Variants in CMTM7 observed in about 807,000 individuals in gnomAD.
CMTM7 encodes CKLF like MARVEL transmembrane domain containing 7.
Under a neutral mutation model 19.3 loss-of-function variants are expected in CMTM7, and 7 were observed. The observed-to-expected ratio is 0.36, with a 90% CI of 0.21 to 0.68. CMTM7 has a LOEUF of 0.68. Among genes scored for constraint, CMTM7 ranks in the 30% least tolerant of loss-of-function variants. The pLI is 0.60. For missense variants in CMTM7, 193 were observed against 232.6 expected, an observed-to-expected ratio of 0.83 and a Z score of 1.11; for synonymous variants, 87 against 99.3, an observed-to-expected ratio of 0.88 and a Z score of 0.74.
chr3:32,404,308 A>T (rs1049532448), intron 1 of CMTM7, among the ~76,000 whole-genome samples: 1 of 151,834 alleles, frequency 6.6e-6, no homozygotes, highest in Non-Finnish European at 1.5e-5. Context: ...TTACAGGTGC[A>T]TGCCACCATG....
At chr3:32,450,603 C>T (rs1696815494) in intron 3 of CMTM7, among the ~76,000 whole-genome samples, 2 of 152,136 alleles carry the variant, frequency 1.3e-5, no homozygotes, top group Non-Finnish European at 2.9e-5. Context: ...AACACTGATG[C>T]TCCACATGGC....
At chr3:32,418,291 G>A (rs1020123879) in intron 1 of CMTM7, among the ~76,000 whole-genome samples, 4 of 152,004 alleles carry the variant, frequency 2.6e-5, no homozygotes, top group East Asian at 1.9e-4. Flanking sequence ...AGTATTGTTC[G>A]TATATTCTGG....
chr3:32,396,044 C>G lies in CMTM7; in HGVS notation c.159+3979C>G, dbSNP rs143571679. Among the ~76,000 whole-genome samples the G allele has an allele frequency of 2.1e-3, 320 of 152,214 alleles. 1 individual carries two copies. The highest frequency in any genetic ancestry group is 7.6e-3 in the African/African-American group (317 of 41,520). On this transcript the variant is annotated intron_variant, in intron 1 of 4. Transcript: ENST00000334983. ...GTGAAAAAAAGCCAACCACAAAAGA[C>G]CACATTATATGATTCCATTTATATG...
intron 1 of CMTM7, among the ~76,000 whole-genome samples, chr3:32,434,626 T>C (rs944033899): frequency 5.4e-5 from 8 of 149,322 alleles, no homozygotes; most frequent in African/African-American, 2.0e-4. Context: ...TTTTTTTAAG[T>C]AATTTTGAGA....
chr3:32,420,305 C>G (rs1473070460), intron 1 of CMTM7, among the ~76,000 whole-genome samples: 6 of 152,192 alleles, frequency 3.9e-5, no homozygotes, highest in Non-Finnish European at 7.3e-5. Flanking sequence ...CTTTGTCTTT[C>G]CACCAGGAGG....
intron 1 of CMTM7, 32 bp from the exon 2 acceptor site, chr3:32,441,808 G>A (rs1328515458): frequency 6.5e-5 from 105 of 1,605,290 alleles, no homozygotes; most frequent in Middle Eastern, 1.7e-4. Context: ...TCTTGGGCAA[G>A]CATTTCTCTG....
At chr3:32,392,784 C>G (rs1695859678) in intron 1 of CMTM7, among the ~76,000 whole-genome samples, 1 of 152,182 alleles carries the variant, frequency 6.6e-6, no homozygotes, top group South Asian at 2.1e-4. Context: ...TGGAGCCAGG[C>G]AGGATGAGTG....
chr3:32,420,962 C>T (rs1048634956), intron 1 of CMTM7, among the ~76,000 whole-genome samples: 3 of 152,130 alleles, frequency 2.0e-5, no homozygotes, highest in African/African-American at 4.8e-5. Context: ...TTGGTCTCAC[C>T]GGCTGTCTGG....
intron 1 of CMTM7, among the ~76,000 whole-genome samples, chr3:32,405,019 A>G (rs1042919504): frequency 6.6e-6 from 1 of 152,236 alleles, no homozygotes; most frequent in African/African-American, 2.4e-5. Flanking sequence ...TGTCACAAGC[A>G]TCCAAGGGTC....
At chr3:32,443,655 A>C (rs1696712927) in intron 2 of CMTM7, among the ~76,000 whole-genome samples, 1 of 152,232 alleles carries the variant, frequency 6.6e-6, no homozygotes, top group African/African-American at 2.4e-5. Flanking sequence ...CTGTATGCCA[A>C]AGTGGCTCAC....
intron 1 of CMTM7, among the ~76,000 whole-genome samples, chr3:32,397,816 C>A (rs1301156423): frequency 6.6e-6 from 1 of 152,170 alleles, no homozygotes; most frequent in Non-Finnish European, 1.5e-5. Context: ...GGAATGTAAT[C>A]CAGCAGATTT....
intron 1 of CMTM7, among the ~76,000 whole-genome samples, chr3:32,440,526 C>A (rs1469799783): frequency 6.6e-6 from 1 of 152,086 alleles, no homozygotes; most frequent in Non-Finnish European, 1.5e-5. Context: ...GTCCATAATC[C>A]CAGCACTTTG....
intron 1 of CMTM7, among the ~76,000 whole-genome samples, chr3:32,399,179 A>T (rs1695963750): frequency 6.6e-6 from 1 of 151,936 alleles, no homozygotes; most frequent in Non-Finnish European, 1.5e-5. Context: ...AAAGCATCAT[A>T]TCAACTCACC....
intron 1 of CMTM7, among the ~76,000 whole-genome samples, chr3:32,435,467 T>C (rs1199442930): frequency 6.6e-6 from 1 of 152,260 alleles, no homozygotes; most frequent in East Asian, 1.9e-4. Flanking sequence ...TTTGCAGCGC[T>C]GTTTGTATTA....
chr3:32,432,050 G>T (rs1465895647), intron 1 of CMTM7, among the ~76,000 whole-genome samples: 1 of 152,168 alleles, frequency 6.6e-6, no homozygotes, highest in African/African-American at 2.4e-5. Flanking sequence ...CTCCCTCTGG[G>T]ATATGCTCCC....
chr3:32,408,431 A>C (rs1696119816), intron 1 of CMTM7, among the ~76,000 whole-genome samples: 1 of 152,232 alleles, frequency 6.6e-6, no homozygotes, highest in Non-Finnish European at 1.5e-5. Flanking sequence ...CGGAGAGGTG[A>C]TGGCCACGCT....
intron 1 of CMTM7, among the ~76,000 whole-genome samples, chr3:32,408,000 G>A (rs1466602887): frequency 1.3e-5 from 2 of 152,164 alleles, no homozygotes; most frequent in Admixed American, 6.6e-5. Context: ...TTAAGTTAAG[G>A]ATCTTGAAAT....
At chr3:32,427,406 G>A (rs1696449004) in intron 1 of CMTM7, among the ~76,000 whole-genome samples, 1 of 152,158 alleles carries the variant, frequency 6.6e-6, no homozygotes, top group Admixed American at 6.5e-5. Flanking sequence ...AGACTGGAAG[G>A]AGCTGTGGCA....
chr3:32,411,108 G>A (rs1340284124), intron 1 of CMTM7, among the ~76,000 whole-genome samples: 1 of 152,176 alleles, frequency 6.6e-6, no homozygotes, highest in African/African-American at 2.4e-5. Flanking sequence ...TCAGCCGCAG[G>A]GGATACAGCT....
Sources: allele counts gnomAD v4.1 joint callset (sites outside exome capture counted in the v4.1 genomes callset), GRCh38; gene constraint gnomAD v4.1.1; transcripts MANE v1.5; gene names NCBI Gene and HGNC (gene_info 2026-07-23, HGNC 2026-07-21).